Variants in MON2 observed in about 807,000 individuals in gnomAD.
MON2 encodes protein MON2 homolog.
MON2 carries 84 observed loss-of-function variants against 208.6 expected under a neutral mutation model. The observed-to-expected ratio is 0.40, with a 90% CI of 0.34 to 0.48. The LOEUF is 0.48. Among genes scored for constraint, MON2 ranks in the 20% least tolerant of loss-of-function variants. The pLI, the probability that MON2 is intolerant of heterozygous loss-of-function variation, is 0.59. For synonymous variants in MON2, 660 were observed against 694.0 expected (o/e 0.95, Z 0.77); for missense variants, 1,611 against 2,015.4 (o/e 0.80, Z 3.84).
In MON2 at chr12:62,596,615, G is replaced by A. The variant is rs2075532389; in HGVS notation, c.*3866G>A. 1 of 152,106 alleles carries A rather than the reference G, an allele frequency of 6.6e-6. No individual in the cohort carries two copies. The highest frequency in any genetic ancestry group is 2.1e-4 in the South Asian group (1 of 4,820). 9.4% of individuals were successfully genotyped at this position (152,106 alleles called of 1,614,324 possible). The stretch of plus-strand genomic sequence containing the variant: ...TTGTATTTATCTACATTATTAGAGG[G>A]AATTTTTATTTTAAAAAAATTGTCA... On this transcript the variant is annotated 3_prime_UTR_variant, in exon 35 of 35. Coordinates refer to ENST00000393630, the MANE Select transcript of MON2 (RefSeq NM_015026.3).
intron 2 of MON2, among the ~76,000 whole-genome samples, chr12:62,492,879 T>C (rs997891023): frequency 1.3e-5 from 2 of 151,634 alleles, no homozygotes; most frequent in Non-Finnish European, 2.9e-5. Context: ...CTTGGGAGGC[T>C]GAGGCAGGAG....
intron 34 of MON2, 52 bp from the exon 35 acceptor site, chr12:62,592,534 A>G: frequency 7.0e-7 from 1 of 1,434,878 alleles, no homozygotes. Flanking sequence ...TGTTAATTGA[A>G]TAATCTCTAT....
rs777582761 is a variant in MON2 at position 62,566,283 on chromosome 12, A to G, written c.4195-39A>G. ...AAAACAATATGATTAATTTAATCTC[A>G]GTTTATTTTTAACTGCATGTGAAAA... On this transcript the variant is annotated intron_variant, in intron 28 of 34. Coordinates refer to ENST00000393630, the MANE Select transcript of MON2 (RefSeq NM_015026.3). The G allele has an allele frequency of 1.0e-5, 16 of 1,587,294 alleles. No individual in the cohort carries two copies. In the South Asian group the frequency reaches 1.7e-4, roughly 17 times the overall value.
chr12:62,555,325 G>A (rs2136319113), intron 24 of MON2, among the ~76,000 whole-genome samples: 1 of 151,854 alleles, frequency 6.6e-6, no homozygotes, highest in Admixed American at 6.6e-5. Flanking sequence ...GACTACAGAT[G>A]TATAACACCA....
rs368807713 is a variant in MON2, at chr12:62,532,506, A to G, written c.1469A>G (p.His490Arg). 7.4e-6 allele frequency: 12 copies of G among 1,614,134 alleles called. No individual in the cohort carries two copies. Among genetic ancestry groups the G allele is most frequent in the Non-Finnish European group, 1.0e-5 (12 of 1,180,012 alleles). Reference sequence around the variant, plus strand: ...GGTTACGCCATGTCTGTGGCATTCCATTGTTTGCTAGACCTTGTTCGTGGA... The same window carrying G: ...GGTTACGCCATGTCTGTGGCATTCCGTTGTTTGCTAGACCTTGTTCGTGGA... ...PEGYAMSVAF[H>R]CLLDLVRGIT... Residue 490 changes from histidine to arginine, a missense_variant, in exon 12 of 35, where the codon CAT (histidine) becomes CGT (arginine). His to Arg is a conservative substitution (Grantham distance 29, BLOSUM62 0). Coordinates refer to ENST00000393630, the MANE Select transcript of MON2 (RefSeq NM_015026.3).
chr12:62,565,183 G>T (rs1203765527), intron 26 of MON2, 54 bp from the exon 27 acceptor site: 1 of 1,537,718 alleles, frequency 6.5e-7, no homozygotes, highest in African/African-American at 1.4e-5. Flanking sequence ...ACACAGTAAA[G>T]AACTTAATGG....
chr12:62,573,026 A>G (rs2074653107), intron 30 of MON2, among the ~76,000 whole-genome samples: 1 of 152,204 alleles, frequency 6.6e-6, no homozygotes, highest in African/African-American at 2.4e-5. Context: ...TTTCCCAGTA[A>G]AAGTTTGTCT....
At chr12:62,548,677 C>CT (rs1045323029) in intron 22 of MON2, among the ~76,000 whole-genome samples, 24 of 152,030 alleles carry the variant, frequency 1.6e-4, no homozygotes, top group African/African-American at 5.1e-4. Flanking sequence ...ATGTGGTGTA[C>CT]TAAATAGGGC....
chr12:62,552,090 C>G (rs2073771810), intron 23 of MON2, among the ~76,000 whole-genome samples: 1 of 151,998 alleles, frequency 6.6e-6, no homozygotes, highest in South Asian at 2.1e-4. Flanking sequence ...TTAAAAGTTA[C>G]CTAGTATTAT....
chr12:62,574,319 G>A (rs1174650663), intron 30 of MON2, among the ~76,000 whole-genome samples: 1 of 152,060 alleles, frequency 6.6e-6, no homozygotes, highest in Non-Finnish European at 1.5e-5. Context: ...AAATTCTAAA[G>A]GCCAAAACTC....
intron 8 of MON2, among the ~76,000 whole-genome samples, chr12:62,515,114 G>C (rs2071619904): frequency 6.6e-6 from 1 of 152,212 alleles, no homozygotes; most frequent in Admixed American, 6.5e-5. Context: ...ATTACCATAT[G>C]ACCCAGCAAT....
intron 34 of MON2, among the ~76,000 whole-genome samples, chr12:62,590,068 T>C (rs2136508815): frequency 6.6e-6 from 1 of 152,240 alleles, no homozygotes; most frequent in East Asian, 1.9e-4. Context: ...TTTGTTAGAC[T>C]TATTTTTGTT....
intron 19 of MON2, among the ~76,000 whole-genome samples, chr12:62,538,981 A>G (rs2073109465): frequency 6.6e-6 from 1 of 152,072 alleles, no homozygotes; most frequent in Non-Finnish European, 1.5e-5. Context: ...TTGTTCATTG[A>G]TTAAATGAAT....
intron 4 of MON2, 151 bp from the exon 5 acceptor site, chr12:62,498,768 A>G (rs1425962788): frequency 1.3e-6 from 1 of 741,776 alleles, no homozygotes; most frequent in African/African-American, 1.8e-5. Context: ...GACAACTTGG[A>G]TTACATCAAA....
chr12:62,573,385 TCAGA>T, intron 30 of MON2, among the ~76,000 whole-genome samples: 1 of 151,416 alleles, frequency 6.6e-6, no homozygotes. Flanking sequence ...GAATAAGCTT[TCAGA>T]TCAGCTTTTT....
Position 62,484,152 on chromosome 12 carries a change from T to A in MON2, c.112-18T>A. 6.4e-7 allele frequency: 1 copy of A among 1,563,072 alleles called. No individual in the cohort carries two copies. Among genetic ancestry groups the A allele is most frequent in the Non-Finnish European group, 8.7e-7 (1 of 1,145,434 alleles). ...TTTGGCAGTAAATTTTGTGTTCTAA[T>A]TATTTTTATTCTTGCAGGCTGCTGA... is the stretch of plus-strand genomic sequence containing the variant. On this transcript the variant is annotated intron_variant, in intron 1 of 34. Coordinates refer to ENST00000393630, the MANE Select transcript of MON2 (RefSeq NM_015026.3).
chr12:62,481,619 G>A (rs1174461451), intron 1 of MON2, among the ~76,000 whole-genome samples: 1 of 152,042 alleles, frequency 6.6e-6, no homozygotes, highest in African/African-American at 2.4e-5. Flanking sequence ...AAAAGCTTCT[G>A]GTGTTTCTAA....
chr12:62,538,148 C>T lies in MON2; in HGVS notation c.2171C>T (p.Pro724Leu). 6.2e-7 allele frequency: 1 copy of T among 1,613,698 alleles called. No homozygotes were observed. Among genetic ancestry groups the T allele is most frequent in the Non-Finnish European group, 8.5e-7 (1 of 1,179,828 alleles). The change falls in exon 17 of 35, where the codon CCT becomes CTT. Residue 724 changes from proline (P) to leucine (L), a missense_variant. Coordinates refer to ENST00000393630, the MANE Select transcript of MON2 (RefSeq NM_015026.3). ...CCTAGTAGTGGCGGTGCCTTGAAAC[C>T]TGGGAGAGCTGTAGAAGGACCCAGT... ...LKPSSGGALK[P>L]GRAVEGPSTV...
In MON2 at chr12:62,495,164, C is replaced by T. The variant is rs1387585342; in HGVS notation, c.435+17C>T. ...CTTTCTAAGGTAGGAAAACTGTTTGCCAGAGTTCATATGTGCTTTGAGACA... is the reference window on the plus strand; with the variant it reads ...CTTTCTAAGGTAGGAAAACTGTTTGTCAGAGTTCATATGTGCTTTGAGACA... On this transcript the variant is annotated intron_variant, in intron 4 of 34. Transcript: ENST00000393630. 7 of 1,592,894 alleles carry T rather than the reference C, an allele frequency of 4.4e-6. No individual in the cohort carries two copies. Among genetic ancestry groups the T allele is most frequent in the Non-Finnish European group, 6.0e-6 (7 of 1,168,530 alleles).
Sources: allele counts gnomAD v4.1 joint callset (sites outside exome capture counted in the v4.1 genomes callset), GRCh38; gene constraint gnomAD v4.1.1; transcripts MANE v1.5; gene names NCBI Gene and HGNC (gene_info 2026-07-23, HGNC 2026-07-21).